The following MFSD12 variants were observed in gnomAD, a reference collection of about 807,000 sequenced individuals.
The protein encoded by MFSD12 is major facilitator superfamily domain-containing protein 12.
A neutral mutation model predicts 51.2 loss-of-function variants in MFSD12; 67 were observed. The observed-to-expected ratio is 1.31, with a 90% CI of 1.08 to 1.60. The LOEUF (loss-of-function observed/expected upper bound fraction) is 1.60. Ranked by LOEUF, MFSD12 falls within the 40% of genes most tolerant of loss-of-function variation. MFSD12 has a pLI of 0.00. For synonymous variants in MFSD12, 441 were observed against 316.7 expected, an observed-to-expected ratio of 1.39 and a Z score of -4.17; for missense variants, 921 against 673.0, an observed-to-expected ratio of 1.37 and a Z score of -4.08.
downstream of MFSD12, among the ~76,000 whole-genome samples, chr19:3,540,448 G>A (rs959493822): frequency 6.6e-6 from 1 of 151,422 alleles, no homozygotes; most frequent in African/African-American, 2.4e-5. Context: ...AGTAGAGACG[G>A]GGTTTCACCA....
downstream of MFSD12, chr19:3,541,822 G>A: frequency 2.0e-6 from 2 of 983,404 alleles, no homozygotes; most frequent in South Asian, 4.7e-5. Context: ...TGTTTTGTTT[G>A]TGTTGAGACA....
rs1435612849 is a variant in MFSD12 at position 3,544,524 on chromosome 19, CCTTG to C, written c.*182_*185del. On this transcript the variant is annotated 3_prime_UTR_variant, in exon 10 of 10. Transcript: ENST00000355415. ...GGGACACCCTCAAAACCCAGGGGGT[CCTTG>C]CAAGTCCCTGGCGGGCATCCCTGCT... 2.8e-6 allele frequency: 4 copies of C among 1,404,706 alleles called. No individual in the cohort carries two copies. Among genetic ancestry groups the C allele is most frequent in the African/African-American group, 2.9e-5 (2 of 69,170 alleles). The allele number at this position is 1,404,706 out of a possible 1,614,324, so 87.0% of individuals were successfully genotyped here.
chr19:3,543,722 AC>A (rs772525159), downstream of MFSD12: 429 of 1,497,758 alleles, frequency 2.9e-4, no homozygotes, highest in Middle Eastern at 4.7e-4. Flanking sequence ...GGCCAGGGGG[AC>A]AAGGCCACCT....
chr19:3,546,475 C>T (rs1349762028), intron 6 of MFSD12, 50 bp from the exon 7 acceptor site: 1 of 1,546,860 alleles, frequency 6.5e-7, no homozygotes, highest in South Asian at 1.2e-5. Flanking sequence ...TGCCCCCAAG[C>T]CTGGCGCTTC....
chr19:3,550,708 C>T (rs1298639497), intron 2 of MFSD12, among the ~76,000 whole-genome samples: 1 of 151,838 alleles, frequency 6.6e-6, no homozygotes, highest in Non-Finnish European at 1.5e-5. Context: ...TAAAAAACAG[C>T]TGGGTGTAGT....
chr19:3,546,372 C>T lies in MFSD12; in HGVS notation c.1077G>A (p.Ala359=), dbSNP rs765055169. The T allele has an allele frequency of 4.7e-5, 75 of 1,608,060 alleles. No homozygotes were observed. Among genetic ancestry groups the T allele is most frequent in the Non-Finnish European group, 5.9e-5 (70 of 1,177,952 alleles). The part of the protein sequence containing the change: ...LVILAFAAWV[A]LAEGLGVAVY... ...CGGCCACACCCAGTCCCTCCGCCAGCGCCACCCAGGCGGCAAAGGCCAGGA... is the reference window on the plus strand; with the variant it reads ...CGGCCACACCCAGTCCCTCCGCCAGTGCCACCCAGGCGGCAAAGGCCAGGA... Residue 359 remains alanine (A), a synonymous_variant, in exon 7 of 10, where the codon GCG becomes GCA. Coordinates refer to ENST00000355415, the MANE Select transcript of MFSD12 (RefSeq NM_174983.5).
rs147903648 is a variant in MFSD12, at chr19:3,546,058, G to A, written c.1289+16C>T. The A allele has an allele frequency of 5.0e-5, 81 of 1,611,968 alleles. No homozygotes were observed. The highest frequency in any genetic ancestry group is 1.7e-4 in the Middle Eastern group (1 of 6,058). ...TTACTGAACAAAAGAATGAATGAAC[G>A]AACAGCGGCACTCACGGGCAAGGGT... On this transcript the variant is annotated intron_variant, in intron 8 of 9. Transcript: ENST00000355415.
At position 3,544,596 on chromosome 19, in the gene MFSD12, G is replaced by T; in HGVS notation, c.*114C>A. ...CCCCCGGGAGCTGGGTGAGGATGGA[G>T]GGTGGGGGTCCAGAGAAGAGTGAGG... is the stretch of plus-strand genomic sequence containing the variant. On this transcript the variant is annotated 3_prime_UTR_variant, in exon 10 of 10. Coordinates refer to ENST00000355415, the MANE Select transcript of MFSD12 (RefSeq NM_174983.5). The T allele has an allele frequency of 6.7e-7, 1 of 1,484,316 alleles. No individual in the cohort carries two copies. The highest frequency in any genetic ancestry group is 1.4e-5 in the South Asian group (1 of 73,320). The allele number at this position is 1,484,316 out of a possible 1,614,324, so 91.9% of individuals were successfully genotyped here. A position where few individuals can be genotyped will look rare whatever the true frequency, so the allele number is the denominator to read the frequency against.
downstream of MFSD12, chr19:3,543,044 C>T: frequency 6.2e-7 from 1 of 1,604,950 alleles, no homozygotes; most frequent in South Asian, 1.1e-5. Flanking sequence ...GAGGGGGAGT[C>T]AGCCTCTCTC....
downstream of MFSD12, chr19:3,543,820 C>G (rs1345765558): frequency 2.0e-6 from 3 of 1,519,986 alleles, no homozygotes; most frequent in Admixed American, 6.2e-5. Context: ...ACCCGAGTCC[C>G]ACCTACAGTG....
downstream of MFSD12, chr19:3,542,880 G>C (rs756726331): frequency 5.7e-6 from 8 of 1,400,394 alleles, no homozygotes; most frequent in Non-Finnish European, 7.7e-6. Flanking sequence ...CCCAGAGGAA[G>C]GGACTTGTGG....
chr19:3,551,302 GC>G lies in MFSD12; in HGVS notation c.299-109del. 8.1e-6 allele frequency: 7 copies of G among 864,852 alleles called. No individual in the cohort carries two copies. Among genetic ancestry groups the G allele is most frequent in the Non-Finnish European group, 8.7e-6 (5 of 572,422 alleles). The allele number at this position is 864,852 out of a possible 1,614,324, so 53.6% of individuals were successfully genotyped here. On this transcript the variant is annotated intron_variant, in intron 1 of 9. Transcript: ENST00000355415. This position sits in a 1 kb window ranked among gnomAD's most constrained non-coding sequence, Gnocchi z 4.6. Reference sequence around the variant, plus strand: ...GGGAAACTGAGGCACAGATGGAGACGCCCCCCGCATGCACACAGTCACGCAG... The same window carrying G: ...GGGAAACTGAGGCACAGATGGAGACGCCCCCGCATGCACACAGTCACGCAG...
downstream of MFSD12, chr19:3,544,170 G>GC (rs370712646): frequency 5.5e-4 from 757 of 1,369,872 alleles, 1 homozygote; most frequent in African/African-American, 8.5e-3. Context: ...CCTGCCCAGA[G>GC]CCCCCCCGCA....
In MFSD12 at chr19:3,544,921, C is replaced by A; in HGVS notation, c.1308G>T (p.Arg436Ser). 6.2e-7 allele frequency: 1 copy of A among 1,609,988 alleles called. No individual in the cohort carries two copies. Residue 436 changes from arginine to serine, a missense_variant, in exon 9 of 10, where the codon AGG (arginine) becomes AGT (serine). Physicochemically the swap from Arg to Ser is moderately radical, Grantham distance 110 (BLOSUM62 -1). Transcript: ENST00000355415. The stretch of plus-strand genomic sequence containing the variant: ...CCCAGTGGTAAAAGCTCACGCAGGC[C>A]CTGCAGCAGAGCTCTGAGCTGTGGG... ...LHPCPSELCCRACVSFYHWAM... is the reference protein window; with the variant it reads ...LHPCPSELCCSACVSFYHWAM...
rs780733101 is a variant in MFSD12 at position 3,551,141 on chromosome 19, AG to A, written c.351del (p.Cys118ValfsTer19). 1.3e-4 allele frequency: 209 copies of A among 1,612,712 alleles called. No homozygotes were observed. Among genetic ancestry groups the A allele is most frequent in the Non-Finnish European group, 1.6e-4 (190 of 1,179,934 alleles). On this transcript the variant is annotated frameshift_variant, in exon 2 of 10. Coordinates refer to ENST00000355415, the MANE Select transcript of MFSD12 (RefSeq NM_174983.5). LOFTEE classifies it high-confidence loss of function. The surrounding 1 kb of genome is among the most constrained non-coding windows in gnomAD (Gnocchi z 4.6). The part of the protein sequence containing the change: ...SFPFIFSPCL[G>X]CGAATPEWAA... Reference sequence around the variant, plus strand: ...GCCCACTCGGGCGTGGCCGCCCCACAGCCCAGGCAGGGGCTGAAGATGAAGG... The same window carrying A: ...GCCCACTCGGGCGTGGCCGCCCCACACCCAGGCAGGGGCTGAAGATGAAGG...
At chr19:3,542,109 C>T (rs1166860786), downstream of MFSD12, 4 of 985,130 alleles carry the variant, frequency 4.1e-6, no homozygotes, top group African/African-American at 1.7e-5. Context: ...TGCGCCCAGA[C>T]AATTTTGTGC....
rs532811136 is a variant in MFSD12 at position 3,546,157 on chromosome 19, C to T, written c.1206G>A (p.Ala402=). Residue 402 remains alanine, a synonymous_variant, in exon 8 of 10, where the codon GCG becomes GCA. Coordinates refer to ENST00000355415, the MANE Select transcript of MFSD12 (RefSeq NM_174983.5). ...AGAAGCTCATGGAGCCGTACACGAA[C>T]GCTCCGCTGTTCTGTGGAGACACAG... ...DLIGPHTNSG[A]FVYGSMSFLD... 5.3e-5 allele frequency: 85 copies of T among 1,613,172 alleles called. No homozygotes were observed. Among genetic ancestry groups the T allele is most frequent in the African/African-American group, 4.8e-4 (36 of 75,082 alleles).
In MFSD12 at chr19:3,551,682, A is replaced by C. The variant is rs1026436716; in HGVS notation, c.299-488T>G. Among the ~76,000 whole-genome samples, 3 of 151,946 alleles carry C rather than the reference A, an allele frequency of 2.0e-5. No individual in the cohort carries two copies. The stretch of plus-strand genomic sequence containing the variant: ...CAGTCAGGAAATAGCACCCGCCCCC[A>C]CCTGAGATCTGCGGTGGCAAGGCCT... On this transcript the variant is annotated intron_variant, in intron 1 of 9. Coordinates refer to ENST00000355415, the MANE Select transcript of MFSD12 (RefSeq NM_174983.5). This position sits in a 1 kb window ranked among gnomAD's most constrained non-coding sequence, Gnocchi z 4.6.
rs980325637 is a variant in MFSD12 at position 3,538,823 on chromosome 19, C to A, written c.*6-67G>T. On this transcript the variant is annotated intron_variant, in intron 4 of 4. Coordinates refer to the MFSD12 transcript ENST00000398558. Reference sequence around the variant, plus strand: ...GAGTGAGGAGCTGGGGTGACAGGTGCCTGCGACCCCGGCCAGGCACTGCCT... The same window carrying A: ...GAGTGAGGAGCTGGGGTGACAGGTGACTGCGACCCCGGCCAGGCACTGCCT... 7 of 554,206 alleles carry A rather than the reference C, an allele frequency of 1.3e-5. No individual in the cohort carries two copies. In the Admixed American group the frequency reaches 1.5e-4, roughly 12 times the overall value. The allele number at this position is 554,206 out of a possible 1,614,324, so 34.3% of individuals were successfully genotyped here. A position where few individuals can be genotyped will look rare whatever the true frequency, so the allele number is the denominator to read the frequency against.
Sources: allele counts gnomAD v4.1 joint callset (sites outside exome capture counted in the v4.1 genomes callset), GRCh38; gene constraint gnomAD v4.1.1; non-coding constraint Gnocchi (gnomAD v3.1); transcripts MANE v1.5; gene names NCBI Gene and HGNC (gene_info 2026-07-23, HGNC 2026-07-21).